RAB21: variants seen among roughly 807,000 people sequenced by gnomAD.
RAB21 encodes the protein ras-related protein Rab-21.
RAB21 carries 13 observed loss-of-function variants against 33.1 expected under a neutral mutation model. The ratio of observed to expected loss-of-function variants is 0.39; its 90% CI spans 0.26 to 0.62. The LOEUF is 0.62. Ranked by LOEUF, RAB21 falls within the 20% of genes least tolerant of loss-of-function variation. RAB21 has a pLI of 0.48. For synonymous variants in RAB21, 91 were observed against 103.7 expected (o/e 0.88, Z 0.74); for missense variants, 234 against 279.1 (o/e 0.84, Z 1.15).
chr12:71,782,104 C>G lies in RAB21; in HGVS notation c.446+19C>G. 1.3e-6 allele frequency: 2 copies of G among 1,592,048 alleles called. No homozygotes were observed. The highest frequency in any genetic ancestry group is 8.6e-7 in the Non-Finnish European group (1 of 1,161,716). On this transcript the variant is annotated intron_variant, in intron 5 of 6. Transcript: ENST00000261263. ...CAGAGTCGTAAGTACTGTGACCCTCCCATTCCCCATCACTCCCTAGTAGAA... is the reference window on the plus strand; with the variant it reads ...CAGAGTCGTAAGTACTGTGACCCTCGCATTCCCCATCACTCCCTAGTAGAA...
At position 71,755,093 on chromosome 12, in the gene RAB21, C is replaced by A; in HGVS notation, c.-37C>A. On this transcript the variant is annotated 5_prime_UTR_variant, in exon 1 of 7. Transcript: ENST00000261263. ...GCTGCCGCGGCTGTCGGGAGGGCGGCGCGACACTCGGGCTCGGGCGGCCGG... is the reference window on the plus strand; with the variant it reads ...GCTGCCGCGGCTGTCGGGAGGGCGGAGCGACACTCGGGCTCGGGCGGCCGG... The A allele has an allele frequency of 9.2e-7, 1 of 1,085,832 alleles. No individual in the cohort carries two copies. Among genetic ancestry groups the A allele is most frequent in the Non-Finnish European group, 1.1e-6 (1 of 897,848 alleles). The allele number at this position is 1,085,832 out of a possible 1,614,324, so 67.3% of individuals were successfully genotyped here. A position where few individuals can be genotyped will look rare whatever the true frequency, so the allele number is the denominator to read the frequency against.
rs1883371902 is a variant in RAB21, at chr12:71,790,907, A to G, written c.*5234A>G. 1 of 151,524 alleles carries G rather than the reference A, an allele frequency of 6.6e-6. No homozygotes were observed. The highest frequency in any genetic ancestry group is 2.4e-5 in the African/African-American group (1 of 41,224). 9.4% of individuals were successfully genotyped at this position (151,524 alleles called of 1,614,324 possible). On this transcript the variant is annotated 3_prime_UTR_variant, in exon 7 of 7. Transcript: ENST00000261263. The stretch of plus-strand genomic sequence containing the variant: ...TTTCTTTCTTTTTTTCTTTTTTAAA[A>G]TAGCCTCTGACTCCATGAAACCTGA...
rs1420775136 is a variant in RAB21 at position 71,799,044 on chromosome 12, A to G, written c.*13371A>G. 6.6e-6 allele frequency: 1 copy of G among 152,302 alleles called. No homozygotes were observed. The highest frequency in any genetic ancestry group is 1.5e-5 in the Non-Finnish European group (1 of 68,040). 9.4% of individuals were successfully genotyped at this position (152,302 alleles called of 1,614,324 possible). A position where few individuals can be genotyped will look rare whatever the true frequency, so the allele number is the denominator to read the frequency against. Reference sequence around the variant, plus strand: ...TGAAAAACGTTTCCATGCAGCAGTGATCAAGTGTCTATCGTTCAGCTTCCT... The same window carrying G: ...TGAAAAACGTTTCCATGCAGCAGTGGTCAAGTGTCTATCGTTCAGCTTCCT... On this transcript the variant is annotated 3_prime_UTR_variant, in exon 7 of 7. Transcript: ENST00000261263.
At chr12:71,778,929 G>A (rs1883158515) in intron 4 of RAB21, among the ~76,000 whole-genome samples, 2 of 152,134 alleles carry the variant, frequency 1.3e-5, no homozygotes, top group South Asian at 2.1e-4. Flanking sequence ...GATCATTTGA[G>A]GTCAGGAGTA....
chr12:71,770,979 T>C (rs1592646240), intron 3 of RAB21, among the ~76,000 whole-genome samples: 3 of 152,318 alleles, frequency 2.0e-5, no homozygotes, highest in Admixed American at 6.5e-5. Context: ...AAGGGAAATA[T>C]TTGAAATTGA....
At chr12:71,758,326 T>G (rs1029393752) in intron 1 of RAB21, among the ~76,000 whole-genome samples, 2 of 151,826 alleles carry the variant, frequency 1.3e-5, no homozygotes, top group African/African-American at 4.8e-5. Context: ...AGCCACCACT[T>G]CCGGTCCTAT....
At position 71,797,231 on chromosome 12, in the gene RAB21, ATT is replaced by A. The variant is rs1302342152; in HGVS notation, c.*11560_*11561del. On this transcript the variant is annotated 3_prime_UTR_variant, in exon 7 of 7. Coordinates refer to ENST00000261263, the MANE Select transcript of RAB21 (RefSeq NM_014999.4). Reference sequence around the variant, plus strand: ...AAATGGAGGAAAAGGTAAAGTTAGTATTTGTAGATGATAGTGCAAAGCTTAAA... The same window carrying A: ...AAATGGAGGAAAAGGTAAAGTTAGTATGTAGATGATAGTGCAAAGCTTAAA... The A allele has an allele frequency of 6.6e-6, 1 of 152,190 alleles. No individual in the cohort carries two copies. The allele number at this position is 152,190 out of a possible 1,614,324, so 9.4% of individuals were successfully genotyped here.
chr12:71,785,924 C>T lies in RAB21; in HGVS notation c.*251C>T, dbSNP rs1262067162. ...TGTTTTTTTTTGTTTTTTTTTGAGA[C>T]GGAGTCTCGCTCTGTCACCCAGGCT... On this transcript the variant is annotated 3_prime_UTR_variant, in exon 7 of 7. Coordinates refer to ENST00000261263, the MANE Select transcript of RAB21 (RefSeq NM_014999.4). 32 of 348,500 alleles carry T rather than the reference C, an allele frequency of 9.2e-5. No individual in the cohort carries two copies. The highest frequency in any genetic ancestry group is 6.4e-4 in the African/African-American group (27 of 42,140). The allele number at this position is 348,500 out of a possible 1,614,324, so 21.6% of individuals were successfully genotyped here.
Position 71,795,070 on chromosome 12 carries a change from T to C in RAB21, c.*9397T>C, listed in dbSNP as rs921048614. ...AAATTGGGGGGAATTTTCTTAAATATGGAACTAAGAGCTAAAGAGTTCAAT... is the reference window on the plus strand; with the variant it reads ...AAATTGGGGGGAATTTTCTTAAATACGGAACTAAGAGCTAAAGAGTTCAAT... On this transcript the variant is annotated 3_prime_UTR_variant, in exon 7 of 7. Coordinates refer to ENST00000261263, the MANE Select transcript of RAB21 (RefSeq NM_014999.4). 2.0e-5 allele frequency: 3 copies of C among 152,196 alleles called. No homozygotes were observed. The highest frequency in any genetic ancestry group is 6.5e-5 in the Admixed American group (1 of 15,276). 9.4% of individuals were successfully genotyped at this position (152,196 alleles called of 1,614,324 possible). A position where few individuals can be genotyped will look rare whatever the true frequency, so the allele number is the denominator to read the frequency against.
At chr12:71,763,622 A>G (rs1882912398) in intron 1 of RAB21, among the ~76,000 whole-genome samples, 1 of 152,216 alleles carries the variant, frequency 6.6e-6, no homozygotes. Context: ...TAATTTTGTA[A>G]TATCACTAAA....
Position 71,785,877 on chromosome 12 carries a change from A to ATTTTTTTTTT in RAB21, c.*205_*206insTTTTTTTTTT. On this transcript the variant is annotated 3_prime_UTR_variant, in exon 7 of 7. Transcript: ENST00000261263. ...ACCAGAGAATTGGCATTTTCTACAAATGTTTTTTTTTGTTTTTTTTTTGTT... is the reference window on the plus strand; with the variant it reads ...ACCAGAGAATTGGCATTTTCTACAAATTTTTTTTTTTGTTTTTTTTTGTTTTTTTTTTGTT... The ATTTTTTTTTT allele has an allele frequency of 1.9e-6, 1 of 517,648 alleles. No homozygotes were observed. Among genetic ancestry groups the ATTTTTTTTTT allele is most frequent in the Non-Finnish European group, 3.2e-6 (1 of 315,624 alleles). The allele number at this position is 517,648 out of a possible 1,614,324, so 32.1% of individuals were successfully genotyped here.
rs549192926 is a variant in RAB21 at position 71,786,370 on chromosome 12, C to T, written c.*697C>T. The T allele has an allele frequency of 2.6e-5, 4 of 152,528 alleles. No individual in the cohort carries two copies. Among genetic ancestry groups the T allele is most frequent in the Admixed American group, 2.0e-4 (3 of 15,268 alleles). 9.4% of individuals were successfully genotyped at this position (152,528 alleles called of 1,614,324 possible). A position where few individuals can be genotyped will look rare whatever the true frequency, so the allele number is the denominator to read the frequency against. ...TGTTGGAATGGTTACATTTTTGCAG[C>T]CCTTTGTATTTTGTGGTAGTTGAAA... On this transcript the variant is annotated 3_prime_UTR_variant, in exon 7 of 7. Coordinates refer to ENST00000261263, the MANE Select transcript of RAB21 (RefSeq NM_014999.4).
At position 71,788,300 on chromosome 12, in the gene RAB21, T is replaced by A. The variant is rs1050878975; in HGVS notation, c.*2627T>A. ...GGTGGGTCATAACTATTCTTCATAT[T>A]TTTTTTTTCTTTTTTCTCCTTTGGT... On this transcript the variant is annotated 3_prime_UTR_variant, in exon 7 of 7. Transcript: ENST00000261263. 3 of 122,442 alleles carry A rather than the reference T, an allele frequency of 2.5e-5. No homozygotes were observed. The highest frequency in any genetic ancestry group is 3.1e-4 in the South Asian group (1 of 3,256). 7.6% of individuals were successfully genotyped at this position (122,442 alleles called of 1,614,324 possible).
At position 71,793,914 on chromosome 12, in the gene RAB21, A is replaced by G. The variant is rs968533140; in HGVS notation, c.*8241A>G. 5 of 152,220 alleles carry G rather than the reference A, an allele frequency of 3.3e-5. No homozygotes were observed. The highest frequency in any genetic ancestry group is 3.3e-4 in the Admixed American group (5 of 15,272). The allele number at this position is 152,220 out of a possible 1,614,324, so 9.4% of individuals were successfully genotyped here. A position where few individuals can be genotyped will look rare whatever the true frequency, so the allele number is the denominator to read the frequency against. ...GCTAAGACTAAAGCTGGCCCTTTCC[A>G]ATCAAAAGTGTTAAAAGCTGGCTGG... is the stretch of plus-strand genomic sequence containing the variant. On this transcript the variant is annotated 3_prime_UTR_variant, in exon 7 of 7. Transcript: ENST00000261263.
chr12:71,777,570 T>C (rs1295547146), intron 4 of RAB21, among the ~76,000 whole-genome samples: 2 of 152,238 alleles, frequency 1.3e-5, no homozygotes, highest in African/African-American at 4.8e-5. Context: ...AGGGTTATGA[T>C]GAAGATTATA....
chr12:71,780,768 G>A (rs542289677), intron 4 of RAB21, among the ~76,000 whole-genome samples: 2 of 152,018 alleles, frequency 1.3e-5, no homozygotes, highest in South Asian at 4.2e-4. Context: ...TCTTTTATTG[G>A]GTGCTTATTT....
In RAB21 at chr12:71,771,788, A is replaced by C. The variant is rs978803837; in HGVS notation, c.327+1089A>C. The stretch of plus-strand genomic sequence containing the variant: ...CGGGAGTTAGAGACCAGCCCAGCCA[A>C]CATGGTGAACTCCCATCTCTACTAA... On this transcript the variant is annotated intron_variant, in intron 3 of 6. Coordinates refer to ENST00000261263, the MANE Select transcript of RAB21 (RefSeq NM_014999.4). 2.0e-5 allele frequency among the ~76,000 whole-genome samples: 3 copies of C among 152,130 alleles called. No homozygotes were observed. In the South Asian group the frequency reaches 6.2e-4, roughly 32 times the overall value.
At position 71,789,195 on chromosome 12, in the gene RAB21, T is replaced by C. The variant is rs990654931; in HGVS notation, c.*3522T>C. On this transcript the variant is annotated 3_prime_UTR_variant, in exon 7 of 7. Transcript: ENST00000261263. ...AACTACAACCTGACAGTTTTTTAAA[T>C]CACTTTGAAAAGTACATTACTTTTA... 3 of 152,190 alleles carry C rather than the reference T, an allele frequency of 2.0e-5. No homozygotes were observed. The highest frequency in any genetic ancestry group is 3.4e-3 in the Middle Eastern group (1 of 294). The allele number at this position is 152,190 out of a possible 1,614,324, so 9.4% of individuals were successfully genotyped here.
chr12:71,770,777 A>G (rs1038914317), intron 3 of RAB21, 78 bp downstream of exon 3: 1 of 893,436 alleles, frequency 1.1e-6, no homozygotes. Flanking sequence ...TTTATTCACT[A>G]ATGTGATTAG....
Sources: gnomAD v4.1 joint callset for allele counts (sites outside exome capture counted in the v4.1 genomes callset) on GRCh38, gnomAD v4.1.1 for gene constraint, MANE v1.5 for transcripts, NCBI Gene and HGNC (gene_info 2026-07-23, HGNC 2026-07-21) for gene names.